LARP1: variants seen among roughly 807,000 people sequenced by gnomAD.
LARP1 encodes la-related protein 1.
Under a neutral mutation model 122.7 loss-of-function variants are expected in LARP1, and 36 were observed. The ratio of observed to expected loss-of-function variants is 0.29; its 90% CI spans 0.22 to 0.39. The LOEUF (loss-of-function observed/expected upper bound fraction) is 0.39, where lower values mean the gene tolerates loss of function less well. LARP1 is among the 10% of genes least tolerant of loss of function. LARP1 has a pLI of 1.00. For missense variants in LARP1, 1,040 were observed against 1,403.6 expected (o/e 0.74, Z 4.14); for synonymous variants, 539 against 528.7 (o/e 1.02, Z -0.27).
At chr5:154,811,118 G>T in intron 16 of LARP1, 129 bp from the exon 17 acceptor site, 2 of 673,038 alleles carry the variant, frequency 3.0e-6, no homozygotes, top group Non-Finnish European at 5.2e-6. Flanking sequence ...CTAAAAGCGT[G>T]TATGCTGTTT....
At chr5:154,713,977 G>A (rs998364316) in intron 1 of LARP1, among the ~76,000 whole-genome samples, 2 of 152,218 alleles carry the variant, frequency 1.3e-5, no homozygotes, top group African/African-American at 2.4e-5. Context: ...GGTAGATACC[G>A]CTTGTGCTGA....
Position 154,792,701 on chromosome 5 carries a change from G to A in LARP1, c.644G>A (p.Ser215Asn), listed in dbSNP as rs765759157. ...DMKEQEKGEG[S>N]DSKESPKTKS... The stretch of plus-strand genomic sequence containing the variant: ...AAGGAACAGGAGAAAGGAGAAGGGA[G>A]TGATAGTAAGGAGAGTCCAAAAACC... The change falls in exon 4 of 19, where the codon AGT (serine) becomes AAT (asparagine). Residue 215 changes from serine (S) to asparagine (N), a missense_variant. Ser to Asn is a conservative substitution (Grantham distance 46, BLOSUM62 1). Coordinates refer to ENST00000518297, the MANE Select transcript of LARP1 (RefSeq NM_033551.3). 1 of 1,614,100 alleles carries A rather than the reference G, an allele frequency of 6.2e-7. No individual in the cohort carries two copies. Among genetic ancestry groups the A allele is most frequent in the African/African-American group, 1.3e-5 (1 of 74,932 alleles).
At chr5:154,801,563 C>G (rs570035315) in intron 10 of LARP1, among the ~76,000 whole-genome samples, 1 of 152,290 alleles carries the variant, frequency 6.6e-6, no homozygotes, top group South Asian at 2.1e-4. Context: ...TTACCAGATC[C>G]CCGTCTAGGT....
chr5:154,728,769 T>G (rs1189291763), intron 1 of LARP1, among the ~76,000 whole-genome samples: 1 of 152,148 alleles, frequency 6.6e-6, no homozygotes, highest in African/African-American at 2.4e-5. Context: ...ATAGCAGATA[T>G]GAGGAACAGC....
upstream of LARP1, among the ~76,000 whole-genome samples, chr5:154,709,254 G>A (rs1296717477): frequency 6.6e-6 from 1 of 152,234 alleles, no homozygotes; most frequent in African/African-American, 2.4e-5. Context: ...TGCTCTCAGT[G>A]CAGACACATT....
intron 1 of LARP1, among the ~76,000 whole-genome samples, chr5:154,775,627 A>T (rs1468160541): frequency 1.3e-5 from 2 of 152,160 alleles, no homozygotes; most frequent in Non-Finnish European, 2.9e-5. Flanking sequence ...TTTTACTCAC[A>T]TCATTCCCTT....
chr5:154,786,201 G>A (rs545656196), intron 1 of LARP1, among the ~76,000 whole-genome samples: 92 of 152,102 alleles, frequency 6.0e-4, no homozygotes, highest in Non-Finnish European at 1.1e-3. Flanking sequence ...CACCACACCC[G>A]GCTAATTTTT....
chr5:154,812,789 G>C (rs1014943857), intron 18 of LARP1, among the ~76,000 whole-genome samples: 1 of 151,988 alleles, frequency 6.6e-6, no homozygotes, highest in Non-Finnish European at 1.5e-5. Flanking sequence ...AGTGCTGGGA[G>C]TACAGGCATG....
chr5:154,799,473 T>C (rs576902866), intron 8 of LARP1, 118 bp from the exon 9 acceptor site: 25 of 978,292 alleles, frequency 2.6e-5, no homozygotes, highest in Non-Finnish European at 3.1e-5. Flanking sequence ...AATTTTCTTA[T>C]ATTACTGGTA....
At chr5:154,774,235 T>C (rs1454874321) in intron 1 of LARP1, among the ~76,000 whole-genome samples, 7 of 152,048 alleles carry the variant, frequency 4.6e-5, no homozygotes, top group Admixed American at 2.6e-4. Flanking sequence ...GTACTGATGA[T>C]TGGGGGTTTA....
At chr5:154,777,974 A>G (rs1561593284) in intron 1 of LARP1, among the ~76,000 whole-genome samples, 1 of 152,188 alleles carries the variant, frequency 6.6e-6, no homozygotes, top group Non-Finnish European at 1.5e-5. Context: ...TGGTTTAAGA[A>G]GTGCAGGATG....
rs2113069125 is a variant in LARP1, at chr5:154,814,086, T to C, written c.3281T>C (p.Leu1094Ser). The change falls in exon 19 of 19, where the codon TTG becomes TCG. Residue 1094 changes from leucine (L) to serine (S), a missense_variant. Physicochemically the swap from Leu to Ser is moderately radical, Grantham distance 145. Coordinates refer to ENST00000518297, the MANE Select transcript of LARP1 (RefSeq NM_033551.3). ...WTSQHSNTQT[L>S]GK ...AGCCAGCACTCGAACACACAGACTT[T>C]GGGAAAGTGAAAAGCTCCTTAGCCC... 7.4e-6 allele frequency: 12 copies of C among 1,613,886 alleles called. No individual in the cohort carries two copies. The highest frequency in any genetic ancestry group is 2.7e-5 in the African/African-American group (2 of 74,914).
intron 1 of LARP1, among the ~76,000 whole-genome samples, chr5:154,688,576 C>G (rs974067421): frequency 6.9e-6 from 1 of 145,076 alleles, no homozygotes; most frequent in African/African-American, 2.6e-5. Flanking sequence ...ATCACTTGAA[C>G]CCAGGAGGCA....
chr5:154,713,141 G>C, intron 1 of LARP1: 1 of 1,606,650 alleles, frequency 6.2e-7, no homozygotes, highest in Non-Finnish European at 8.5e-7. Context: ...GTGAGTCCTA[G>C]CACTCTGCGT....
intron 1 of LARP1, among the ~76,000 whole-genome samples, chr5:154,763,966 G>C (rs1754693769): frequency 1.3e-5 from 2 of 152,090 alleles, no homozygotes. Flanking sequence ...AGTGAAAGAT[G>C]AGTGTGTCAC....
chr5:154,797,341 C>A (rs1409812421), intron 8 of LARP1, among the ~76,000 whole-genome samples: 1 of 139,324 alleles, frequency 7.2e-6, no homozygotes, highest in African/African-American at 2.6e-5. Context: ...TTAAGCAATT[C>A]TCCTGCCTCA....
chr5:154,785,736 C>T (rs915308835), intron 1 of LARP1, among the ~76,000 whole-genome samples: 1 of 152,136 alleles, frequency 6.6e-6, no homozygotes, highest in African/African-American at 2.4e-5. Flanking sequence ...CGGGGTTAGA[C>T]ATTCGAGGTC....
Position 154,814,156 on chromosome 5 carries a change from G to T in LARP1, c.*60G>T. On this transcript the variant is annotated 3_prime_UTR_variant, in exon 19 of 19. Coordinates refer to ENST00000518297, the MANE Select transcript of LARP1 (RefSeq NM_033551.3). ...GGGGTAGGGTGGGTAAGAGTCCATG[G>T]GGGTGCCCAGTCCCAGGAAAGGGGA... The T allele has an allele frequency of 6.5e-7, 1 of 1,536,874 alleles. No homozygotes were observed.
chr5:154,781,486 G>A (rs1430885657), intron 1 of LARP1, among the ~76,000 whole-genome samples: 4 of 152,188 alleles, frequency 2.6e-5, no homozygotes, highest in African/African-American at 9.6e-5. Flanking sequence ...CCAGCTACTC[G>A]GGAGGCTGAG....
Sources: gnomAD v4.1 joint callset for allele counts (sites outside exome capture counted in the v4.1 genomes callset) on GRCh38, gnomAD v4.1.1 for gene constraint, MANE v1.5 for transcripts, NCBI Gene and HGNC (gene_info 2026-07-23, HGNC 2026-07-21) for gene names.